ARHGAP39: variants seen among roughly 807,000 people sequenced by gnomAD.
ARHGAP39 encodes the protein rho GTPase-activating protein 39.
A neutral mutation model predicts 106.9 loss-of-function variants in ARHGAP39; 44 were observed. The observed-to-expected ratio is 0.41, with a 90% confidence interval of 0.32 to 0.53. The LOEUF (loss-of-function observed/expected upper bound fraction) is 0.53, where lower values mean the gene tolerates loss of function less well. Ranked by LOEUF, ARHGAP39 falls within the 20% of genes least tolerant of loss-of-function variation. The pLI is 0.21. For synonymous variants in ARHGAP39, 768 were observed against 693.2 expected, an observed-to-expected ratio of 1.11 and a Z score of -1.69; for missense variants, 1,496 against 1,577.3, an observed-to-expected ratio of 0.95 and a Z score of 0.87.
intron 6 of ARHGAP39, among the ~76,000 whole-genome samples, chr8:144,544,342 G>T (rs570168347): frequency 2.0e-4 from 30 of 152,252 alleles, no homozygotes; most frequent in Non-Finnish European, 4.0e-4. Flanking sequence ...CACCTGGGCT[G>T]GGGGTAATAG....
upstream of ARHGAP39, among the ~76,000 whole-genome samples, chr8:144,687,629 ACACTG>A (rs1822646430): frequency 1.7e-5 from 1 of 59,550 alleles, no homozygotes; most frequent in East Asian, 9.1e-4. Context: ...CCGTGACCAC[ACACTG>A]GCGGTGAGCA....
At chr8:144,557,268 T>C (rs78696710) in intron 3 of ARHGAP39, among the ~76,000 whole-genome samples, 393 of 30,940 alleles carry the variant, frequency 0.013, 82 homozygotes, top group Admixed American at 0.041. Flanking sequence ...TAGTATTCAG[T>C]GGCAAAGGCT....
In ARHGAP39 at chr8:144,645,676, T is replaced by G. The variant is rs1355123875; in HGVS notation, c.-81-39981A>C. 1.3e-5 allele frequency among the ~76,000 whole-genome samples: 2 copies of G among 152,268 alleles called. No individual in the cohort carries two copies. The highest frequency in any genetic ancestry group is 2.4e-5 in the African/African-American group (1 of 41,470). The stretch of plus-strand genomic sequence containing the variant: ...ACATGTAAAGTGCAAACATGAGGGA[T>G]TCTTATCCTCTAGAAAAAACCATCC... On this transcript the variant is annotated intron_variant, in intron 1 of 11. Coordinates refer to ENST00000377307, the MANE Select transcript of ARHGAP39 (RefSeq NM_025251.3). The surrounding 1 kb of genome is among the most constrained non-coding windows in gnomAD (Gnocchi z 4.4).
rs560252387 is a variant in ARHGAP39, at chr8:144,571,230, C to T, written c.512+9616G>A. Among the ~76,000 whole-genome samples, 4 of 152,238 alleles carry T rather than the reference C, an allele frequency of 2.6e-5. No individual in the cohort carries two copies. In the South Asian group the frequency reaches 8.3e-4, roughly 32 times the overall value. ...CCTGGTGAACATCGATGCGAAAATC[C>T]TCAATAAAATACTGGCAAACCGAAT... On this transcript the variant is annotated intron_variant, in intron 3 of 11. Coordinates refer to ENST00000377307, the MANE Select transcript of ARHGAP39 (RefSeq NM_025251.3).
Position 144,556,708 on chromosome 8 carries a change from A to G in ARHGAP39, c.513-1065T>C, listed in dbSNP as rs867396389. Among the ~76,000 whole-genome samples, 29 of 51,936 alleles carry G rather than the reference A, an allele frequency of 5.6e-4. No homozygotes were observed. The East Asian group carries it at 7.8e-3, about 14-fold the overall frequency. The allele number at this position is 51,936 out of a possible 152,430, so 34.1% of individuals were successfully genotyped here. A position where few individuals can be genotyped will look rare whatever the true frequency, so the allele number is the denominator to read the frequency against. On this transcript the variant is annotated intron_variant, in intron 3 of 11. Coordinates refer to ENST00000377307, the MANE Select transcript of ARHGAP39 (RefSeq NM_025251.3). Reference sequence around the variant, plus strand: ...TTCAGAGGCAAAAGGCTGAACCTTCATAGTATTCAGAGGCAAAAGGCTGAA... The same window carrying G: ...TTCAGAGGCAAAAGGCTGAACCTTCGTAGTATTCAGAGGCAAAAGGCTGAA...
Position 144,604,672 on chromosome 8 carries a change from T to C in ARHGAP39, c.80+863A>G, listed in dbSNP as rs531503548. Among the ~76,000 whole-genome samples the C allele has an allele frequency of 3.7e-4, 56 of 152,262 alleles. No homozygotes were observed. Among genetic ancestry groups the C allele is most frequent in the African/African-American group, 1.3e-3 (55 of 41,548 alleles). On this transcript the variant is annotated intron_variant, in intron 2 of 11. Transcript: ENST00000377307. The surrounding 1 kb of genome is among the most constrained non-coding windows in gnomAD (Gnocchi z 4.1). ...CAGGCAGAGAAAAGCTGTGGAATTCTTCCAGATTAAAAAAGGCCAAGGAGA... is the reference window on the plus strand; with the variant it reads ...CAGGCAGAGAAAAGCTGTGGAATTCCTCCAGATTAAAAAAGGCCAAGGAGA...
chr8:144,673,912 C>G (rs947806713), intron 1 of ARHGAP39, among the ~76,000 whole-genome samples: 1 of 152,230 alleles, frequency 6.6e-6, no homozygotes, highest in Non-Finnish European at 1.5e-5. Context: ...CTGTGCGAGG[C>G]TGCGGCTTGA....
chr8:144,561,959 CGG>C (rs1818189632), intron 3 of ARHGAP39, among the ~76,000 whole-genome samples: 1 of 151,262 alleles, frequency 6.6e-6, no homozygotes, highest in Non-Finnish European at 1.5e-5. Context: ...TGGTTTCCAT[CGG>C]ACTCCAGTGG....
At chr8:144,544,671 C>T (rs576965048) in intron 6 of ARHGAP39, among the ~76,000 whole-genome samples, 56 of 152,376 alleles carry the variant, frequency 3.7e-4, no homozygotes, top group African/African-American at 1.2e-3. Flanking sequence ...TGGCCTCCCA[C>T]GCTGCCCCAG....
intron 3 of ARHGAP39, among the ~76,000 whole-genome samples, chr8:144,576,772 G>C (rs546464330): frequency 1.2e-4 from 18 of 152,290 alleles, no homozygotes; most frequent in African/African-American, 4.3e-4. Context: ...TCTTGAGGGA[G>C]AGTTATTTTT....
intron 1 of ARHGAP39, among the ~76,000 whole-genome samples, chr8:144,660,708 G>A (rs1224205451): frequency 6.6e-6 from 1 of 152,042 alleles, no homozygotes; most frequent in East Asian, 1.9e-4. Flanking sequence ...AGGCTGGGTG[G>A]GTGGCTCACC....
At chr8:144,566,051 G>A (rs772173235) in intron 3 of ARHGAP39, among the ~76,000 whole-genome samples, 15 of 151,374 alleles carry the variant, frequency 9.9e-5, no homozygotes, top group Non-Finnish European at 1.6e-4. Flanking sequence ...CTGTGATTGC[G>A]CCATTGCACT....
chr8:144,646,780 G>T lies in ARHGAP39; in HGVS notation c.-82+38906C>A. Among the ~76,000 whole-genome samples, 1 of 152,204 alleles carries T rather than the reference G, an allele frequency of 6.6e-6. No individual in the cohort carries two copies. Among genetic ancestry groups the T allele is most frequent in the East Asian group, 1.9e-4 (1 of 5,186 alleles). ...CTCGCTGGGCCCAGAGTCCAAGCGG[G>T]CCATGGCCCTGGCACTGCACGTGAG... On this transcript the variant is annotated intron_variant, in intron 1 of 11. Coordinates refer to ENST00000377307, the MANE Select transcript of ARHGAP39 (RefSeq NM_025251.3). This position sits in a 1 kb window ranked among gnomAD's most constrained non-coding sequence, Gnocchi z 5.7.
intron 3 of ARHGAP39, among the ~76,000 whole-genome samples, chr8:144,574,661 G>C (rs943365748): frequency 1.3e-5 from 2 of 152,138 alleles, no homozygotes; most frequent in Non-Finnish European, 2.9e-5. Context: ...GCGACAGAGC[G>C]AGACTCCGTC....
chr8:144,640,985 C>T (rs1331923303), intron 1 of ARHGAP39, among the ~76,000 whole-genome samples: 1 of 152,160 alleles, frequency 6.6e-6, no homozygotes, highest in Non-Finnish European at 1.5e-5. Flanking sequence ...GTGAGGGTCC[C>T]ACTCTTCATC....
At position 144,547,635 on chromosome 8, in the gene ARHGAP39, G is replaced by A; in HGVS notation, c.1451C>T (p.Ser484Phe). The A allele has an allele frequency of 6.6e-7, 1 of 1,523,566 alleles. No individual in the cohort carries two copies. The highest frequency in any genetic ancestry group is 8.8e-7 in the Non-Finnish European group (1 of 1,137,128). The allele number at this position is 1,523,566 out of a possible 1,614,324, so 94.4% of individuals were successfully genotyped here. Reference protein sequence around the residue: ...SWSSQQDTLSSTGYSPGTRKR... With the variant: ...SWSSQQDTLSFTGYSPGTRKR... ...GCGCGTGCCCGGGGAGTAGCCTGTG[G>A]AGGACAGGGTGTCCTGCTGGCTGGA... Residue 484 changes from serine (S) to phenylalanine (F), a missense_variant, in exon 5 of 12, where the codon TCC becomes TTC. By Grantham distance (155) the Ser-to-Phe change is radical (BLOSUM62 -2). Coordinates refer to ENST00000377307, the MANE Select transcript of ARHGAP39 (RefSeq NM_025251.3). The surrounding 1 kb of genome is among the most constrained non-coding windows in gnomAD (Gnocchi z 5.2).
rs529740045 is a variant in ARHGAP39, at chr8:144,680,466, T to A, written c.-82+5220A>T. Among the ~76,000 whole-genome samples the A allele has an allele frequency of 3.9e-5, 6 of 152,310 alleles. No individual in the cohort carries two copies. The South Asian group carries it at 6.2e-4, about 16-fold the overall frequency. On this transcript the variant is annotated intron_variant, in intron 1 of 11. Coordinates refer to ENST00000377307, the MANE Select transcript of ARHGAP39 (RefSeq NM_025251.3). ...AGAGGAGTCTGCCAGGGGGCTGCAG[T>A]GTACTGACCCCTGGTCTGGAGTACG...
At chr8:144,658,823 A>G (rs1290501026) in intron 1 of ARHGAP39, among the ~76,000 whole-genome samples, 1 of 152,202 alleles carries the variant, frequency 6.6e-6, no homozygotes, top group Non-Finnish European at 1.5e-5. Flanking sequence ...CATAGACAAA[A>G]TGATTATATA....
At chr8:144,593,381 C>T (rs1457598028) in intron 2 of ARHGAP39, among the ~76,000 whole-genome samples, 1 of 152,114 alleles carries the variant, frequency 6.6e-6, no homozygotes, top group Non-Finnish European at 1.5e-5. Flanking sequence ...CGTCTACCTG[C>T]AAACAAATGC....
Sources: gnomAD v4.1 joint callset for allele counts (sites outside exome capture counted in the v4.1 genomes callset) on GRCh38, gnomAD v4.1.1 for gene constraint, Gnocchi (gnomAD v3.1) non-coding constraint, MANE v1.5 for transcripts, NCBI Gene and HGNC (gene_info 2026-07-23, HGNC 2026-07-21) for gene names.